DSCAML1: variants seen among roughly 807,000 people sequenced by gnomAD.
The protein encoded by DSCAML1 is cell adhesion molecule DSCAML1.
DSCAML1 carries 38 observed loss-of-function variants against 200.5 expected under a neutral mutation model. That is an observed-to-expected ratio of 0.19 (90% confidence interval 0.15 to 0.25). The LOEUF (loss-of-function observed/expected upper bound fraction) is 0.25, where lower values mean the gene tolerates loss of function less well. Ranked by LOEUF, DSCAML1 falls within the 10% of genes least tolerant of loss-of-function variation. The pLI is 1.00. For missense variants in DSCAML1, 2,223 were observed against 2,858.8 expected (o/e 0.78, Z 5.07); for synonymous variants, 1,215 against 1,165.0 (o/e 1.04, Z -0.87).
chr11:117,596,799 C>G (rs2051368851), intron 3 of DSCAML1, among the ~76,000 whole-genome samples: 1 of 152,174 alleles, frequency 6.6e-6, no homozygotes, highest in African/African-American at 2.4e-5. Flanking sequence ...AAGGGAAACT[C>G]CTTTTAATTG....
At chr11:117,464,602 G>C (rs145211441) in intron 17 of DSCAML1, among the ~76,000 whole-genome samples, 326 of 152,316 alleles carry the variant, frequency 2.1e-3, no homozygotes, top group Non-Finnish European at 3.8e-3. Flanking sequence ...GGAAGAGAGA[G>C]GGGTTAGCGT....
chr11:117,506,652 A>G (rs946438859), intron 8 of DSCAML1, among the ~76,000 whole-genome samples: 1 of 143,694 alleles, frequency 7.0e-6, no homozygotes, highest in Admixed American at 7.4e-5. Flanking sequence ...GGCTCGAGTG[A>G]TCCTCCCATC....
intron 8 of DSCAML1, among the ~76,000 whole-genome samples, chr11:117,508,049 T>C (rs1043575260): frequency 1.3e-5 from 2 of 152,136 alleles, no homozygotes; most frequent in African/African-American, 4.8e-5. Flanking sequence ...CTAGGTCAGA[T>C]CTAGGCCTCC....
In DSCAML1 at chr11:117,458,840, G is replaced by A; in HGVS notation, c.3482C>T (p.Thr1161Ile). The change falls in exon 19 of 33, where the codon ACC becomes ATC. Residue 1161 changes from threonine (T) to isoleucine (I), a missense_variant. Coordinates refer to ENST00000651296, the MANE Select transcript of DSCAML1 (RefSeq NM_020693.4). ...GGCCAGCACCTGGACGCTGTAGTTG[G>A]TGAACTTCTCCATGCCCCGCAGCTC... is the stretch of plus-strand genomic sequence containing the variant. ...RVELRGMEKF[T>I]NYSVQVLAYT... is the part of the protein sequence containing the mutation. 1 of 1,614,048 alleles carries A rather than the reference G, an allele frequency of 6.2e-7. No individual in the cohort carries two copies. Among genetic ancestry groups the A allele is most frequent in the Non-Finnish European group, 8.5e-7 (1 of 1,180,010 alleles).
In DSCAML1 at chr11:117,480,436, C is replaced by A. The variant is rs370785714; in HGVS notation, c.2785+7G>T. On this transcript the variant is annotated splice_region_variant and intron_variant, in intron 14 of 32. Coordinates refer to ENST00000651296, the MANE Select transcript of DSCAML1 (RefSeq NM_020693.4). This position sits in a 1 kb window ranked among gnomAD's most constrained non-coding sequence, Gnocchi z 4.1. ...CCACGCTGTCACCCTCCTGGCCCAGCGCCTACCTGATTTGTTCTTGTATTC... is the reference window on the plus strand; with the variant it reads ...CCACGCTGTCACCCTCCTGGCCCAGAGCCTACCTGATTTGTTCTTGTATTC... 1.9e-6 allele frequency: 3 copies of A among 1,613,104 alleles called. No individual in the cohort carries two copies. The highest frequency in any genetic ancestry group is 2.2e-5 in the South Asian group (2 of 90,820).
At chr11:117,773,135 G>C (rs1299800214) in intron 3 of DSCAML1, among the ~76,000 whole-genome samples, 1 of 152,160 alleles carries the variant, frequency 6.6e-6, no homozygotes. Context: ...GATTGTTTTT[G>C]GTCCCAAGCC....
At chr11:117,524,575 T>C (rs1177255017) in intron 5 of DSCAML1, among the ~76,000 whole-genome samples, 5 of 152,240 alleles carry the variant, frequency 3.3e-5, no homozygotes, top group Admixed American at 1.3e-4. Context: ...GTCATGGTTA[T>C]GTGATTTGCC....
intron 3 of DSCAML1, among the ~76,000 whole-genome samples, chr11:117,694,008 G>C (rs1051548798): frequency 5.3e-5 from 8 of 150,232 alleles, no homozygotes; most frequent in Non-Finnish European, 1.0e-4. Context: ...GTGTGGCTTT[G>C]TGTAGCGGAT....
At chr11:117,763,822 C>T (rs550149393) in intron 3 of DSCAML1, among the ~76,000 whole-genome samples, 36 of 152,204 alleles carry the variant, frequency 2.4e-4, no homozygotes, top group African/African-American at 8.4e-4. Context: ...CCCCAGGGGA[C>T]TCTAAATTTG....
At chr11:117,605,202 G>A (rs1292265024) in intron 3 of DSCAML1, among the ~76,000 whole-genome samples, 3 of 151,922 alleles carry the variant, frequency 2.0e-5, no homozygotes, top group African/African-American at 7.3e-5. Flanking sequence ...CTGCTCCCGG[G>A]TTTTAGATCA....
intron 18 of DSCAML1, 58 bp downstream of exon 18, chr11:117,461,391 AG>A (rs2048480199): frequency 1.2e-6 from 2 of 1,608,696 alleles, no homozygotes; most frequent in East Asian, 4.5e-5. Flanking sequence ...GCCTGGAAGC[AG>A]ACTCCACTGA....
intron 1 of DSCAML1, among the ~76,000 whole-genome samples, chr11:117,804,727 TCA>T (rs2055694976): frequency 6.6e-6 from 1 of 152,128 alleles, no homozygotes; most frequent in Non-Finnish European, 1.5e-5. Flanking sequence ...GCCCAGGAAT[TCA>T]AGACCAGCCT....
At chr11:117,618,503 G>A (rs773193921) in intron 3 of DSCAML1, among the ~76,000 whole-genome samples, 2 of 151,986 alleles carry the variant, frequency 1.3e-5, no homozygotes, top group South Asian at 4.2e-4. Context: ...CTTCTCTTCC[G>A]CAGGCTGACA....
chr11:117,671,115 T>C (rs1161803635), intron 3 of DSCAML1, among the ~76,000 whole-genome samples: 1 of 152,190 alleles, frequency 6.6e-6, no homozygotes. Context: ...AGTCCACAGC[T>C]CCCCGAGAGG....
chr11:117,726,165 A>G (rs2054125457), intron 3 of DSCAML1, among the ~76,000 whole-genome samples: 1 of 152,206 alleles, frequency 6.6e-6, no homozygotes, highest in Admixed American at 6.5e-5. Flanking sequence ...CAGATTGCTC[A>G]GCTTCTTTGA....
chr11:117,588,355 C>G (rs1192949848), intron 3 of DSCAML1, among the ~76,000 whole-genome samples: 1 of 152,180 alleles, frequency 6.6e-6, no homozygotes, highest in African/African-American at 2.4e-5. Context: ...TCCTTGAGCA[C>G]CCAGTGCCCA....
chr11:117,696,119 G>A (rs924598066), intron 3 of DSCAML1, among the ~76,000 whole-genome samples: 7 of 152,214 alleles, frequency 4.6e-5, no homozygotes, highest in Non-Finnish European at 1.0e-4. Flanking sequence ...GGAAGGAAAG[G>A]TTAGCGAGTA....
intron 3 of DSCAML1, among the ~76,000 whole-genome samples, chr11:117,745,894 A>G (rs1485415653): frequency 6.6e-6 from 1 of 152,144 alleles, no homozygotes; most frequent in Non-Finnish European, 1.5e-5. Flanking sequence ...TAAGTGAATT[A>G]ATTAACTTAG....
At chr11:117,577,387 TCCTCCCTC>T (rs142164370) in intron 3 of DSCAML1, among the ~76,000 whole-genome samples, 43 of 138,728 alleles carry the variant, frequency 3.1e-4, no homozygotes, top group Admixed American at 4.5e-4. Flanking sequence ...TTTCCTTCCT[TCCTCCCTC>T]CCTCCCTCCC....
Sources: allele counts gnomAD v4.1 joint callset (sites outside exome capture counted in the v4.1 genomes callset), GRCh38; gene constraint gnomAD v4.1.1; non-coding constraint Gnocchi (gnomAD v3.1); transcripts MANE v1.5; gene names NCBI Gene and HGNC (gene_info 2026-07-23, HGNC 2026-07-21).